Variants in PDE4D observed in about 807,000 individuals in gnomAD.
The protein encoded by PDE4D is 3',5'-cyclic-AMP phosphodiesterase 4D.
Under a neutral mutation model 87.4 loss-of-function variants are expected in PDE4D, and 24 were observed. That is an observed-to-expected ratio of 0.27 (90% CI 0.20 to 0.39). The LOEUF (loss-of-function observed/expected upper bound fraction) is 0.39. PDE4D is among the 10% of genes least tolerant of loss of function. The probability of loss-of-function intolerance (pLI) is 1.00; values close to 1 mark genes in which losing one functional copy is unlikely to be tolerated. For missense variants in PDE4D, 714 were observed against 1,041.0 expected, an observed-to-expected ratio of 0.69 and a Z score of 4.32; for synonymous variants, 384 against 383.2, an observed-to-expected ratio of 1.00 and a Z score of -0.02.
chr5:59,591,792 T>C (rs1161676618), intron 1 of PDE4D, among the ~76,000 whole-genome samples: 1 of 152,170 alleles, frequency 6.6e-6, no homozygotes, highest in Non-Finnish European at 1.5e-5. Flanking sequence ...AAAACTTCTA[T>C]GTACTTTTCT....
rs561745323 is a variant in PDE4D at position 60,016,035 on chromosome 5, GTGTGTGTGTGTGTGTGTT to G, written c.43-27336_43-27319del. Among the ~76,000 whole-genome samples, 5 of 151,734 alleles carry G rather than the reference GTGTGTGTGTGTGTGTGTT, an allele frequency of 3.3e-5. No individual in the cohort carries two copies. In the South Asian group the frequency reaches 6.3e-4, roughly 19 times the overall value. ...GTTCTCTCTCTCTCTCTGTGTGTGTGTGTGTGTGTGTGTGTGTTTGTGTGTGTGTATACATACATATAT... is the reference window on the plus strand; with the variant it reads ...GTTCTCTCTCTCTCTCTGTGTGTGTGTGTGTGTGTGTATACATACATATAT... On this transcript the variant is annotated intron_variant, in intron 2 of 16. Transcript: ENST00000502484.
At chr5:60,326,828 T>C (rs1332127036) in intron 1 of PDE4D, among the ~76,000 whole-genome samples, 2 of 152,152 alleles carry the variant, frequency 1.3e-5, no homozygotes, top group Non-Finnish European at 2.9e-5. Context: ...TTCGGTCATT[T>C]TTAAAGTCGT....
rs377129856 is a variant in PDE4D, at chr5:60,066,097, T to C, written c.43-77380A>G. Among the ~76,000 whole-genome samples the C allele has an allele frequency of 2.1e-4, 32 of 152,282 alleles. No homozygotes were observed. The South Asian group carries it at 6.6e-3, about 32-fold the overall frequency. ...TTCTCCACATCCTCTCCAGCACCTG[T>C]TGTTTCCTGACTTTTTAATGATCGC... On this transcript the variant is annotated intron_variant, in intron 2 of 16. Coordinates refer to the PDE4D transcript ENST00000502484.
chr5:60,127,061 G>C (rs879796863), intron 2 of PDE4D, among the ~76,000 whole-genome samples: 1 of 152,138 alleles, frequency 6.6e-6, no homozygotes, highest in Non-Finnish European at 1.5e-5. Flanking sequence ...AAGATGGGAA[G>C]GATGAGGAGG....
At chr5:59,511,425 GAAAAT>G (rs772592984) in intron 1 of PDE4D, among the ~76,000 whole-genome samples, 1 of 151,852 alleles carries the variant, frequency 6.6e-6, no homozygotes, top group Non-Finnish European at 1.5e-5. Flanking sequence ...AAGGAAAAAA[GAAAAT>G]AAAAGTGGTT....
chr5:59,209,095 T>A (rs905642232), intron 2 of PDE4D, among the ~76,000 whole-genome samples: 1 of 152,124 alleles, frequency 6.6e-6, no homozygotes, highest in Non-Finnish European at 1.5e-5. Context: ...CTAGAGCACA[T>A]CAGATACTTC....
At position 59,244,680 on chromosome 5, in the gene PDE4D, CTGTGTGTGTGTGTGTG is replaced by C. The variant is rs369829189; in HGVS notation, c.456-28728_456-28713del. ...GATATATGTATGTATGTGTGTGTGT[CTGTGTGTGTGTGTGTG>C]TGTGTGTGTGTGTGTGTGTGTGTGT... On this transcript the variant is annotated intron_variant, in intron 1 of 14. Transcript: ENST00000340635. 1.0e-4 allele frequency among the ~76,000 whole-genome samples: 12 copies of C among 120,054 alleles called. No homozygotes were observed. In the South Asian group the frequency reaches 1.8e-3, roughly 18 times the overall value. 78.8% of individuals were successfully genotyped at this position (120,054 alleles called of 152,430 possible).
chr5:59,932,549 G>T (rs558468376), intron 3 of PDE4D, among the ~76,000 whole-genome samples: 1 of 152,266 alleles, frequency 6.6e-6, no homozygotes, highest in Non-Finnish European at 1.5e-5. Flanking sequence ...CCTGCCTAAG[G>T]TCCAAAGTAA....
intron 5 of PDE4D, among the ~76,000 whole-genome samples, chr5:59,171,315 C>A (rs1449508948): frequency 6.6e-6 from 1 of 152,200 alleles, no homozygotes; most frequent in East Asian, 1.9e-4. Flanking sequence ...CAGTTCAGAG[C>A]TGCATTATCT....
chr5:59,038,234 T>C (rs1018727097), intron 6 of PDE4D, among the ~76,000 whole-genome samples: 2 of 152,228 alleles, frequency 1.3e-5, no homozygotes, highest in South Asian at 2.1e-4. Context: ...TTAGCACATA[T>C]GGCACAGATG....
chr5:59,360,962 T>C (rs1442679352), intron 1 of PDE4D, among the ~76,000 whole-genome samples: 1 of 152,162 alleles, frequency 6.6e-6, no homozygotes, highest in East Asian at 1.9e-4. Flanking sequence ...AAACAATCAA[T>C]AAGAGGCATG....
At chr5:59,755,345 C>T (rs1394768473) in intron 1 of PDE4D, among the ~76,000 whole-genome samples, 17 of 152,034 alleles carry the variant, frequency 1.1e-4, no homozygotes, top group South Asian at 2.1e-4. Flanking sequence ...TAATAAATGA[C>T]GCTAGTTCCA....
At chr5:59,612,207 A>G (rs548765667) in intron 1 of PDE4D, among the ~76,000 whole-genome samples, 7 of 147,826 alleles carry the variant, frequency 4.7e-5, no homozygotes, top group Non-Finnish European at 1.0e-4. Flanking sequence ...AATTCAATAT[A>G]TATTCTGATT....
intron 1 of PDE4D, among the ~76,000 whole-genome samples, chr5:59,260,029 C>A (rs1488560942): frequency 1.3e-5 from 2 of 151,776 alleles, no homozygotes; most frequent in African/African-American, 2.4e-5. Context: ...AGTTGATACA[C>A]AAGGGACTCC....
intron 1 of PDE4D, among the ~76,000 whole-genome samples, chr5:60,502,100 T>A (rs1396657776): frequency 6.6e-6 from 1 of 151,958 alleles, no homozygotes; most frequent in Admixed American, 6.6e-5. Flanking sequence ...TGAATGGTAA[T>A]GCCTAGGTTT....
intron 2 of PDE4D, among the ~76,000 whole-genome samples, chr5:60,093,117 A>T (rs147146631): frequency 6.6e-6 from 1 of 152,354 alleles, no homozygotes; most frequent in East Asian, 1.9e-4. Flanking sequence ...AAGGAGAGGT[A>T]GGTATGGAAT....
chr5:60,425,739 A>G (rs899660042), intron 1 of PDE4D, among the ~76,000 whole-genome samples: 1 of 152,222 alleles, frequency 6.6e-6, no homozygotes, highest in Non-Finnish European at 1.5e-5. Context: ...CATCAGAGTG[A>G]ACAGGCAACC....
At chr5:59,118,398 C>T (rs1478097988) in intron 5 of PDE4D, among the ~76,000 whole-genome samples, 1 of 152,142 alleles carries the variant, frequency 6.6e-6, no homozygotes, top group Non-Finnish European at 1.5e-5. Flanking sequence ...ATTTTTTCCA[C>T]CTGCGTATCT....
At chr5:59,524,745 C>A (rs1400482899) in intron 1 of PDE4D, among the ~76,000 whole-genome samples, 1 of 152,152 alleles carries the variant, frequency 6.6e-6, no homozygotes, top group Non-Finnish European at 1.5e-5. Context: ...GGCCTAGGGT[C>A]CCCCTGCTCT....
Sources: gnomAD v4.1 joint callset for allele counts (sites outside exome capture counted in the v4.1 genomes callset) on GRCh38, gnomAD v4.1.1 for gene constraint, MANE v1.5 for transcripts, NCBI Gene and HGNC (gene_info 2026-07-23, HGNC 2026-07-21) for gene names.